The following TAS2R39 variants were observed in gnomAD, a reference collection of about 807,000 sequenced individuals.
The protein encoded by TAS2R39 is taste receptor type 2 member 39.
TAS2R39 carries 22 observed loss-of-function variants against 20.5 expected under a neutral mutation model. The observed-to-expected ratio is 1.08, with a 90% CI of 0.77 to 1.54. The LOEUF is 1.54. Ranked by LOEUF, TAS2R39 falls within the 40% of genes most tolerant of loss-of-function variation. The pLI is 0.00. For missense variants in TAS2R39, 362 were observed against 398.6 expected, an observed-to-expected ratio of 0.91 and a Z score of 0.78; for synonymous variants, 128 against 147.7, an observed-to-expected ratio of 0.87 and a Z score of 0.97.
Position 143,183,948 on chromosome 7 carries a change from T to C in TAS2R39, c.530T>C (p.Ile177Thr). The change falls in exon 1 of 1, where the codon ATC (isoleucine) becomes ACC (threonine). Residue 177 changes from isoleucine (I) to threonine (T), a missense_variant. Physicochemically the swap from Ile to Thr is moderately conservative, Grantham distance 89. Transcript: ENST00000446620. ...FISFSHSMFCINICTVYCNNS... is the reference protein window; with the variant it reads ...FISFSHSMFCTNICTVYCNNS... ...TCCTTCAGTCACAGCATGTTCTGCA[T>C]CAACATCTGCACTGTGTATTGTAAC... 6.2e-7 allele frequency: 1 copy of C among 1,613,484 alleles called. No individual in the cohort carries two copies. Among genetic ancestry groups the C allele is most frequent in the Non-Finnish European group, 8.5e-7 (1 of 1,179,598 alleles).
In TAS2R39 at chr7:143,183,482, T is replaced by C. The variant is rs1453748450; in HGVS notation, c.64T>C (p.Cys22Arg). 2 of 1,613,164 alleles carry C rather than the reference T, an allele frequency of 1.2e-6. No individual in the cohort carries two copies. Among genetic ancestry groups the C allele is most frequent in the Non-Finnish European group, 1.7e-6 (2 of 1,179,394 alleles). Residue 22 changes from cysteine to arginine, a missense_variant, in exon 1 of 1, where the codon TGC becomes CGC. By Grantham distance (180) the Cys-to-Arg change is radical. Coordinates refer to ENST00000446620, the MANE Select transcript of TAS2R39 (RefSeq NM_176881.2). Reference protein sequence around the residue: ...EKQQLRMTKLCDPAESELSPF... With the variant: ...EKQQLRMTKLRDPAESELSPF... Reference sequence around the variant, plus strand: ...GCAACAGCTCAGAATGACTAAACTCTGCGATCCTGCAGAAAGTGAATTGTC... The same window carrying C: ...GCAACAGCTCAGAATGACTAAACTCCGCGATCCTGCAGAAAGTGAATTGTC...
In TAS2R39 at chr7:143,184,355, C is replaced by G. The variant is rs1237620018; in HGVS notation, c.937C>G (p.Gln313Glu). 7 of 1,613,540 alleles carry G rather than the reference C, an allele frequency of 4.3e-6. No homozygotes were observed. Among genetic ancestry groups the G allele is most frequent in the Non-Finnish European group, 5.9e-6 (7 of 1,179,622 alleles). ...TGCCAGCCACTCAATTCTACTGATT[C>G]AAGATAACCCTGGGCTGAGAAGAGC... ...YPASHSILLI[Q>E]DNPGLRRAWK... Residue 313 changes from glutamine (Q) to glutamate (E), a missense_variant, in exon 1 of 1, where the codon CAA (glutamine) becomes GAA (glutamate). Transcript: ENST00000446620.
Position 143,184,176 on chromosome 7 carries a change from G to A in TAS2R39, c.758G>A (p.Ser253Asn), listed in dbSNP as rs184819681. ...GSNATGSNDPSMEAHMGAIKA... is the reference protein window; with the variant it reads ...GSNATGSNDPNMEAHMGAIKA... ...AATGCCACAGGGTCCAACGACCCCA[G>A]CATGGAGGCTCACATGGGGGCCATC... Residue 253 changes from serine to asparagine, a missense_variant, in exon 1 of 1, where the codon AGC (serine) becomes AAC (asparagine). Ser to Asn is a conservative substitution (Grantham distance 46). Transcript: ENST00000446620. 1.7e-3 allele frequency: 2,769 copies of A among 1,613,724 alleles called. 47 individuals carry two copies. The highest frequency in any genetic ancestry group is 0.011 in the African/African-American group (799 of 74,968).
In TAS2R39 at chr7:143,183,465, T is replaced by C; in HGVS notation, c.47T>C (p.Leu16Pro). The stretch of plus-strand genomic sequence containing the variant: ...CCAGACACCAAAGAGAAGCAACAGC[T>C]CAGAATGACTAAACTCTGCGATCCT... ...FPPDTKEKQQ[L>P]RMTKLCDPAE... Residue 16 changes from leucine to proline, a missense_variant, in exon 1 of 1, where the codon CTC (leucine) becomes CCC (proline). By Grantham distance (98) the Leu-to-Pro change is moderately conservative. Coordinates refer to ENST00000446620, the MANE Select transcript of TAS2R39 (RefSeq NM_176881.2). 1.2e-6 allele frequency: 2 copies of C among 1,613,174 alleles called. No homozygotes were observed. The highest frequency in any genetic ancestry group is 1.7e-6 in the Non-Finnish European group (2 of 1,179,392).
chr7:143,183,599 G>C lies in TAS2R39; in HGVS notation c.181G>C (p.Ala61Pro). The change falls in exon 1 of 1, where the codon GCT (alanine) becomes CCT (proline). Residue 61 changes from alanine to proline, a missense_variant. Ala to Pro is a conservative substitution (Grantham distance 27, BLOSUM62 -1). Transcript: ENST00000446620. ...TGGTTTCATCATGGCTATACATGCA[G>C]CTGAATGGGTTCAAAATAAGGCAGT... is the stretch of plus-strand genomic sequence containing the variant. The part of the protein sequence containing the change: ...ANGFIMAIHA[A>P]EWVQNKAVST... 1 of 1,613,472 alleles carries C rather than the reference G, an allele frequency of 6.2e-7. No individual in the cohort carries two copies. The highest frequency in any genetic ancestry group is 8.5e-7 in the Non-Finnish European group (1 of 1,179,582).
Position 143,183,859 on chromosome 7 carries a change from C to G in TAS2R39, c.441C>G (p.Phe147Leu). The change falls in exon 1 of 1, where the codon TTC becomes TTG. Residue 147 changes from phenylalanine to leucine, a missense_variant. Transcript: ENST00000446620. ...TTGCCAATTTCTCCTACCCCCTTTT[C>G]CTCAAACTGAGGTGGAGAATTACTG... The part of the protein sequence containing the change: ...VKIANFSYPL[F>L]LKLRWRITGL... The G allele has an allele frequency of 2.5e-6, 4 of 1,613,544 alleles. No individual in the cohort carries two copies. The highest frequency in any genetic ancestry group is 3.4e-6 in the Non-Finnish European group (4 of 1,179,604).
Position 143,183,848 on chromosome 7 carries a change from T to A in TAS2R39, c.430T>A (p.Tyr144Asn). Residue 144 changes from tyrosine (Y) to asparagine (N), a missense_variant, in exon 1 of 1, where the codon TAC becomes AAC. Physicochemically the swap from Tyr to Asn is moderately radical, Grantham distance 143. Coordinates refer to ENST00000446620, the MANE Select transcript of TAS2R39 (RefSeq NM_176881.2). ...CTTTGTGAAGATTGCCAATTTCTCC[T>A]ACCCCCTTTTCCTCAAACTGAGGTG... is the stretch of plus-strand genomic sequence containing the variant. Reference protein sequence around the residue: ...FYFVKIANFSYPLFLKLRWRI... With the variant: ...FYFVKIANFSNPLFLKLRWRI... 6.2e-7 allele frequency: 1 copy of A among 1,613,592 alleles called. No homozygotes were observed. Among genetic ancestry groups the A allele is most frequent in the Non-Finnish European group, 8.5e-7 (1 of 1,179,602 alleles).
chr7:143,183,861 T>C lies in TAS2R39; in HGVS notation c.443T>C (p.Leu148Pro). 2 of 1,613,578 alleles carry C rather than the reference T, an allele frequency of 1.2e-6. No homozygotes were observed. Among genetic ancestry groups the C allele is most frequent in the South Asian group, 1.1e-5 (1 of 91,072 alleles). Residue 148 changes from leucine to proline, a missense_variant, in exon 1 of 1, where the codon CTC becomes CCC. Physicochemically the swap from Leu to Pro is moderately conservative, Grantham distance 98. Coordinates refer to ENST00000446620, the MANE Select transcript of TAS2R39 (RefSeq NM_176881.2). ...GCCAATTTCTCCTACCCCCTTTTCC[T>C]CAAACTGAGGTGGAGAATTACTGGA... ...KIANFSYPLF[L>P]KLRWRITGLI...
chr7:143,184,162 G>A lies in TAS2R39; in HGVS notation c.744G>A (p.Gly248=), dbSNP rs777413394. The A allele has an allele frequency of 1.2e-6, 2 of 1,613,742 alleles. No individual in the cohort carries two copies. The highest frequency in any genetic ancestry group is 2.2e-5 in the East Asian group (1 of 44,882). The change falls in exon 1 of 1, where the codon GGG becomes GGA. Residue 248 remains glycine, a synonymous_variant. Transcript: ENST00000446620. ...HTLHMGSNAT[G]SNDPSMEAHM... The stretch of plus-strand genomic sequence containing the variant: ...TACACATGGGAAGCAATGCCACAGG[G>A]TCCAACGACCCCAGCATGGAGGCTC...
chr7:143,184,283 AAC>A, the TAS2R39 span: 1 of 1,613,704 alleles, frequency 6.2e-7, no homozygotes, highest in Non-Finnish European at 8.5e-7. Flanking sequence ...GTTTGACATC[AAC>A]AGTCTGTGGA....
chr7:143,183,711 C>T lies in TAS2R39; in HGVS notation c.293C>T (p.Ser98Leu), dbSNP rs573356528. The T allele has an allele frequency of 1.2e-6, 2 of 1,613,386 alleles. No homozygotes were observed. The highest frequency in any genetic ancestry group is 2.2e-5 in the South Asian group (2 of 91,076). Residue 98 changes from serine (S) to leucine (L), a missense_variant, in exon 1 of 1, where the codon TCA becomes TTA. Coordinates refer to ENST00000446620, the MANE Select transcript of TAS2R39 (RefSeq NM_176881.2). ...ATGATGTTAGAAATTACCATCAGCT[C>T]AACCTCCCTAAGTTTTTATTCTGAA... ...SLMMLEITIS[S>L]TSLSFYSEDA...
the TAS2R39 span, chr7:143,184,294 G>A: frequency 1.2e-6 from 2 of 1,613,680 alleles, no homozygotes; most frequent in South Asian, 2.2e-5. Flanking sequence ...ACAGTCTGTG[G>A]AATAATTTGT....
At chr7:143,183,849 AC>A in the TAS2R39 span, 1 of 1,613,062 alleles carries the variant, frequency 6.2e-7, no homozygotes, top group Non-Finnish European at 8.5e-7. Flanking sequence ...AATTTCTCCT[AC>A]CCCCTTTTCC....
Position 143,183,987 on chromosome 7 carries a change from T to C in TAS2R39, c.569T>C (p.Ile190Thr). ...CTVYCNNSFP[I>T]HSSNSTKKTY... ...GTGTATTGTAACAATTCTTTCCCTATCCACTCCTCCAACTCCACTAAGAAA... is the reference window on the plus strand; with the variant it reads ...GTGTATTGTAACAATTCTTTCCCTACCCACTCCTCCAACTCCACTAAGAAA... Residue 190 changes from isoleucine (I) to threonine (T), a missense_variant, in exon 1 of 1, where the codon ATC becomes ACC. Physicochemically the swap from Ile to Thr is moderately conservative, Grantham distance 89. Coordinates refer to ENST00000446620, the MANE Select transcript of TAS2R39 (RefSeq NM_176881.2). 1 of 1,613,540 alleles carries C rather than the reference T, an allele frequency of 6.2e-7. No homozygotes were observed. The highest frequency in any genetic ancestry group is 8.5e-7 in the Non-Finnish European group (1 of 1,179,610).
In TAS2R39 at chr7:143,183,843, T is replaced by C. The variant is rs200343853; in HGVS notation, c.425T>C (p.Phe142Ser). ...TTCTACTTTGTGAAGATTGCCAATTTCTCCTACCCCCTTTTCCTCAAACTG... is the reference window on the plus strand; with the variant it reads ...TTCTACTTTGTGAAGATTGCCAATTCCTCCTACCCCCTTTTCCTCAAACTG... ...SFFYFVKIAN[F>S]SYPLFLKLRW... is the part of the protein sequence containing the mutation. The change falls in exon 1 of 1, where the codon TTC (phenylalanine) becomes TCC (serine). Residue 142 changes from phenylalanine (F) to serine (S), a missense_variant. Coordinates refer to ENST00000446620, the MANE Select transcript of TAS2R39 (RefSeq NM_176881.2). 1.0e-3 allele frequency: 1,668 copies of C among 1,613,602 alleles called. 20 individuals are homozygous for C. The highest frequency in any genetic ancestry group is 1.3e-3 in the Non-Finnish European group (1,553 of 1,179,616).
Position 143,183,895 on chromosome 7 carries a change from C to T in TAS2R39, c.477C>T (p.Pro159=). 1 of 1,613,516 alleles carries T rather than the reference C, an allele frequency of 6.2e-7. No homozygotes were observed. The highest frequency in any genetic ancestry group is 1.1e-5 in the South Asian group (1 of 91,074). The change falls in exon 1 of 1, where the codon CCC becomes CCT. Residue 159 remains proline (P), a synonymous_variant. Transcript: ENST00000446620. ...KLRWRITGLI[P]WLLWLSVFIS... ...GGTGGAGAATTACTGGATTGATACC[C>T]TGGCTTCTGTGGCTGTCCGTGTTTA... is the stretch of plus-strand genomic sequence containing the variant.
Position 143,183,827 on chromosome 7 carries a change from G to C in TAS2R39, c.409G>C (p.Val137Leu). The C allele has an allele frequency of 6.2e-7, 1 of 1,613,548 alleles. No homozygotes were observed. Among genetic ancestry groups the C allele is most frequent in the Non-Finnish European group, 8.5e-7 (1 of 1,179,628 alleles). Reference protein sequence around the residue: ...FAAWLSFFYFVKIANFSYPLF... With the variant: ...FAAWLSFFYFLKIANFSYPLF... ...TGCCTGGCTCAGTTTCTTCTACTTT[G>C]TGAAGATTGCCAATTTCTCCTACCC... The change falls in exon 1 of 1, where the codon GTG (valine) becomes CTG (leucine). Residue 137 changes from valine to leucine, a missense_variant. Transcript: ENST00000446620.
chr7:143,183,571 A>G lies in TAS2R39; in HGVS notation c.153A>G (p.Ala51=). Residue 51 remains alanine, a synonymous_variant, in exon 1 of 1, where the codon GCA becomes GCG. Coordinates refer to ENST00000446620, the MANE Select transcript of TAS2R39 (RefSeq NM_176881.2). ...LLAEYLIGII[A]NGFIMAIHAA... is the part of the protein sequence containing the mutation. ...CTGAATACCTCATTGGTATCATTGC[A>G]AATGGTTTCATCATGGCTATACATG... 1 of 1,613,510 alleles carries G rather than the reference A, an allele frequency of 6.2e-7. No homozygotes were observed. The highest frequency in any genetic ancestry group is 8.5e-7 in the Non-Finnish European group (1 of 1,179,596).
chr7:143,183,775 C>T lies in TAS2R39; in HGVS notation c.357C>T (p.Phe119=). The T allele has an allele frequency of 1.2e-6, 2 of 1,613,302 alleles. No individual in the cohort carries two copies. Among genetic ancestry groups the T allele is most frequent in the Non-Finnish European group, 1.7e-6 (2 of 1,179,582 alleles). ...ATGCATTCAAAATAAGTTTTATATT[C>T]TTAAATTTTTGTAGCCTGTGGTTTG... is the stretch of plus-strand genomic sequence containing the variant. The part of the protein sequence containing the change: ...VYYAFKISFI[F]LNFCSLWFAA... The change falls in exon 1 of 1, where the codon TTC becomes TTT. Residue 119 remains phenylalanine (F), a synonymous_variant. Transcript: ENST00000446620.
Sources: gnomAD v4.1 joint callset for allele counts on GRCh38, gnomAD v4.1.1 for gene constraint, MANE v1.5 for transcripts, NCBI Gene and HGNC (gene_info 2026-07-23, HGNC 2026-07-21) for gene names.